Variants in PDE4D observed in about 807,000 individuals in gnomAD.
PDE4D encodes the protein 3',5'-cyclic-AMP phosphodiesterase 4D.
In PDE4D, 24 loss-of-function variants were observed where a neutral mutation model predicts 87.4. That is an observed-to-expected ratio of 0.27 (90% CI 0.20 to 0.39). The LOEUF (loss-of-function observed/expected upper bound fraction) is 0.39, where lower values mean the gene tolerates loss of function less well. Among genes scored for constraint, PDE4D ranks in the 10% least tolerant of loss-of-function variants. The pLI, the probability that PDE4D is intolerant of heterozygous loss-of-function variation, is 1.00. For missense variants in PDE4D, 714 were observed against 1,041.0 expected (o/e 0.69, Z 4.32); for synonymous variants, 384 against 383.2 (o/e 1.00, Z -0.02).
intron 5 of PDE4D, among the ~76,000 whole-genome samples, chr5:59,150,714 C>G (rs771566472): frequency 1.3e-5 from 2 of 152,092 alleles, no homozygotes; most frequent in African/African-American, 4.8e-5. Flanking sequence ...AGCCAATAAT[C>G]TATAATATTT....
At chr5:59,357,009 G>T in intron 1 of PDE4D, 1 of 840,678 alleles carries the variant, frequency 1.2e-6, no homozygotes, top group Non-Finnish European at 1.6e-6. Flanking sequence ...CAGGCTGGCT[G>T]AGGCAGGGCT....
intron 5 of PDE4D, among the ~76,000 whole-genome samples, chr5:59,135,871 C>T (rs981053346): frequency 6.6e-6 from 1 of 152,038 alleles, no homozygotes; most frequent in African/African-American, 2.4e-5. Context: ...TTCATGCATT[C>T]GTTGTCCATT....
intron 1 of PDE4D, among the ~76,000 whole-genome samples, chr5:60,293,235 A>T (rs1753064515): frequency 6.6e-6 from 1 of 152,088 alleles, no homozygotes; most frequent in African/African-American, 2.4e-5. Flanking sequence ...TAAAATACTT[A>T]AAAAGATGTA....
chr5:59,413,088 C>T lies in PDE4D; in HGVS notation c.456-197120G>A, dbSNP rs149215243. ...CAATTGCACTTGCTATTAGACTCTT[C>T]CTGCCCTTTTTCAGGAAAAAGAAAC... On this transcript the variant is annotated intron_variant, in intron 1 of 14. Coordinates refer to ENST00000340635, the MANE Select transcript of PDE4D (RefSeq NM_001104631.2). Among the ~76,000 whole-genome samples, 91 of 152,326 alleles carry T rather than the reference C, an allele frequency of 6.0e-4. 1 individual carries two copies. The East Asian group carries it at 0.015, about 25-fold the overall frequency.
At chr5:59,295,519 T>G (rs915072465) in intron 1 of PDE4D, among the ~76,000 whole-genome samples, 5 of 152,198 alleles carry the variant, frequency 3.3e-5, no homozygotes, top group African/African-American at 7.2e-5. Flanking sequence ...GTGCCCAGGT[T>G]GCCTGTTGCC....
At chr5:60,274,957 C>A (rs963141856) in intron 1 of PDE4D, among the ~76,000 whole-genome samples, 2 of 152,188 alleles carry the variant, frequency 1.3e-5, no homozygotes, top group African/African-American at 2.4e-5. Context: ...CTGTATTTTC[C>A]TAAGATTCCC....
chr5:60,431,416 G>GCT (rs934293623), intron 1 of PDE4D, among the ~76,000 whole-genome samples: 17 of 150,034 alleles, frequency 1.1e-4, no homozygotes, highest in African/African-American at 4.2e-4. Context: ...GGGTAGAGGC[G>GCT]CTCCTCACAT....
intron 1 of PDE4D, among the ~76,000 whole-genome samples, chr5:59,571,751 C>G (rs2153695910): frequency 6.6e-6 from 1 of 152,238 alleles, no homozygotes; most frequent in East Asian, 1.9e-4. Context: ...ATCCTGTATT[C>G]AAGAACTGCA....
chr5:59,893,555 C>T lies in PDE4D; in HGVS notation c.68G>A (p.Gly23Glu), dbSNP rs1751292189. Reference protein sequence around the residue: ...GSGEGSDSAGGATLKAPKHLW... With the variant: ...GSGEGSDSAGEATLKAPKHLW... ...ATGCTTGGGGGCTTTGAGCGTGGCCCCGCCGGCGCTGTCGCTGCCCTCTCC... is the reference window on the plus strand; with the variant it reads ...ATGCTTGGGGGCTTTGAGCGTGGCCTCGCCGGCGCTGTCGCTGCCCTCTCC... The change falls in exon 1 of 15, where the codon GGG (glycine) becomes GAG (glutamate). Residue 23 changes from glycine to glutamate, a missense_variant. Coordinates refer to ENST00000340635, the MANE Select transcript of PDE4D (RefSeq NM_001104631.2). 6.5e-7 allele frequency: 1 copy of T among 1,537,910 alleles called. No homozygotes were observed. Among genetic ancestry groups the T allele is most frequent in the South Asian group, 1.2e-5 (1 of 82,540 alleles).
At chr5:60,071,014 T>C (rs1185693342) in intron 2 of PDE4D, among the ~76,000 whole-genome samples, 1 of 152,032 alleles carries the variant, frequency 6.6e-6, no homozygotes, top group Non-Finnish European at 1.5e-5. Context: ...TTTTGTGGCA[T>C]CATTTGTGAT....
chr5:59,328,666 C>T (rs1776152931), intron 1 of PDE4D, among the ~76,000 whole-genome samples: 2 of 152,114 alleles, frequency 1.3e-5, no homozygotes, highest in Admixed American at 6.5e-5. Context: ...TGTGTTTTTA[C>T]ATTTTCCTCA....
chr5:59,739,015 C>CA (rs1758476777), intron 1 of PDE4D, among the ~76,000 whole-genome samples: 1 of 151,976 alleles, frequency 6.6e-6, no homozygotes, highest in Admixed American at 6.6e-5. Flanking sequence ...AGTCATAGAT[C>CA]AAATTTTCCA....
intron 1 of PDE4D, among the ~76,000 whole-genome samples, chr5:59,882,400 C>T (rs1749554527): frequency 6.6e-6 from 1 of 152,038 alleles, no homozygotes. Context: ...CAAACTTTTA[C>T]TTTATGTTTT....
intron 1 of PDE4D, among the ~76,000 whole-genome samples, chr5:59,406,756 T>C (rs1791737554): frequency 6.6e-6 from 1 of 152,182 alleles, no homozygotes; most frequent in African/African-American, 2.4e-5. Flanking sequence ...TCTAACTCTC[T>C]TTTGTTCTTA....
chr5:59,298,528 G>A (rs1769553723), intron 1 of PDE4D, among the ~76,000 whole-genome samples: 1 of 152,140 alleles, frequency 6.6e-6, no homozygotes, highest in African/African-American at 2.4e-5. Flanking sequence ...ATTCATAAAT[G>A]GAACTTTGCT....
chr5:59,348,323 A>G (rs532096914), intron 1 of PDE4D, among the ~76,000 whole-genome samples: 1 of 152,260 alleles, frequency 6.6e-6, no homozygotes, highest in South Asian at 2.1e-4. Context: ...CACTGTATAG[A>G]GTACTATGTC....
At chr5:59,513,628 G>A (rs148163820) in intron 1 of PDE4D, among the ~76,000 whole-genome samples, 83 of 152,070 alleles carry the variant, frequency 5.5e-4, no homozygotes, top group Middle Eastern at 3.4e-3. Context: ...TAATATCTAC[G>A]TAGCATAGAA....
intron 8 of PDE4D, 87 bp from the exon 9 acceptor site, chr5:58,990,989 G>T: frequency 1.3e-6 from 1 of 785,290 alleles, no homozygotes. Flanking sequence ...AAAAATTACA[G>T]ACCTTAGGTG....
intron 1 of PDE4D, among the ~76,000 whole-genome samples, chr5:60,507,461 C>T (rs1443354435): frequency 4.6e-5 from 7 of 152,180 alleles, no homozygotes. Context: ...TATCTTTATA[C>T]ATAATTTCTA....
Sources: allele counts gnomAD v4.1 joint callset (sites outside exome capture counted in the v4.1 genomes callset), GRCh38; gene constraint gnomAD v4.1.1; transcripts MANE v1.5; gene names NCBI Gene and HGNC (gene_info 2026-07-23, HGNC 2026-07-21).